Variants in IFT81 observed in about 807,000 individuals in gnomAD.
The protein encoded by IFT81 is intraflagellar transport 81.
Under a neutral mutation model 102.6 loss-of-function variants are expected in IFT81, and 72 were observed. The observed-to-expected ratio is 0.70, with a 90% confidence interval of 0.58 to 0.85. The LOEUF (loss-of-function observed/expected upper bound fraction) is 0.85. Among genes scored for constraint, IFT81 ranks in the 40% least tolerant of loss-of-function variants. The pLI is 0.00. For missense variants in IFT81, 723 were observed against 787.3 expected (o/e 0.92, Z 0.98); for synonymous variants, 237 against 242.7 (o/e 0.98, Z 0.22).
At chr12:110,207,509 AAC>A (rs1555270034) in intron 17 of IFT81, among the ~76,000 whole-genome samples, 8 of 151,688 alleles carry the variant, frequency 5.3e-5, no homozygotes, top group African/African-American at 1.7e-4. Context: ...CACACACAAA[AAC>A]AGTCTCTTCT....
chr12:110,130,843 A>G (rs995453377), intron 4 of IFT81, among the ~76,000 whole-genome samples: 2 of 152,078 alleles, frequency 1.3e-5, no homozygotes, highest in African/African-American at 4.8e-5. Context: ...TTTACAATAT[A>G]TAATGATTTA....
chr12:110,165,798 C>G (rs541368435), intron 11 of IFT81, among the ~76,000 whole-genome samples: 26 of 152,298 alleles, frequency 1.7e-4, no homozygotes, highest in African/African-American at 6.3e-4. Context: ...GCTTCTCTAT[C>G]TGTAAAATGG....
In IFT81 at chr12:110,205,471, T is replaced by G. The variant is rs1868492910; in HGVS notation, c.1673T>G (p.Leu558Arg). The G allele has an allele frequency of 6.2e-7, 1 of 1,603,208 alleles. No homozygotes were observed. The highest frequency in any genetic ancestry group is 1.3e-5 in the African/African-American group (1 of 74,240). Residue 558 changes from leucine (L) to arginine (R), a missense_variant, in exon 16 of 19, where the codon CTT becomes CGT. Leu to Arg is a moderately radical substitution (Grantham distance 102). Transcript: ENST00000242591. ...QEVRRLREEC[L>R]QEESRYHYTN... ...GTTAGAAGACTCCGTGAAGAATGTC[T>G]TCAAGAAGAAAGTAGATACCATTAT...
chr12:110,201,484 G>A (rs1201562434), intron 14 of IFT81, among the ~76,000 whole-genome samples: 7 of 151,484 alleles, frequency 4.6e-5, no homozygotes, highest in Admixed American at 3.9e-4. Context: ...CAGGCTGAGT[G>A]CAGTGGCACC....
chr12:110,179,405 G>T (rs1897186575), intron 11 of IFT81, among the ~76,000 whole-genome samples: 1 of 151,802 alleles, frequency 6.6e-6, no homozygotes, highest in Non-Finnish European at 1.5e-5. Context: ...AGTCTAAAAT[G>T]AATAGCTTTT....
intron 8 of IFT81, among the ~76,000 whole-genome samples, chr12:110,140,897 A>C (rs948657432): frequency 1.3e-5 from 2 of 150,204 alleles, no homozygotes; most frequent in Non-Finnish European, 3.0e-5. Flanking sequence ...CTAATTTTGT[A>C]TATTTTTTTA....
chr12:110,169,126 C>G (rs1896614554), intron 11 of IFT81: 1 of 148,728 alleles, frequency 6.7e-6, no homozygotes, highest in South Asian at 2.1e-4. Context: ...AATTTTGGTA[C>G]AGGCTAGGCA....
At chr12:110,188,337 A>T (rs924259227) in intron 12 of IFT81, among the ~76,000 whole-genome samples, 1 of 151,288 alleles carries the variant, frequency 6.6e-6, no homozygotes, top group Non-Finnish European at 1.5e-5. Context: ...GTCTCAAAAA[A>T]AAAAAATTAA....
chr12:110,181,978 T>C (rs1265807490), intron 12 of IFT81, among the ~76,000 whole-genome samples: 1 of 152,176 alleles, frequency 6.6e-6, no homozygotes. Context: ...CAAATTGCAC[T>C]GGAGTTGATT....
chr12:110,209,147 T>A, intron 17 of IFT81, 24 bp from the exon 18 acceptor site: 2 of 1,379,548 alleles, frequency 1.4e-6, no homozygotes, highest in Non-Finnish European at 2.0e-6. Flanking sequence ...AAATTGAAAG[T>A]AAATCATTAT....
At chr12:110,200,191 A>G (rs1033081860) in intron 14 of IFT81, among the ~76,000 whole-genome samples, 1 of 152,182 alleles carries the variant, frequency 6.6e-6, no homozygotes, top group African/African-American at 2.4e-5. Flanking sequence ...AATTATGAGG[A>G]TACGTTCTAA....
chr12:110,177,267 TTTTTGTTTTGTTTTG>T (rs371205633), intron 11 of IFT81, among the ~76,000 whole-genome samples: 35 of 151,996 alleles, frequency 2.3e-4, no homozygotes, highest in African/African-American at 6.5e-4. Flanking sequence ...AAAGTTTGTT[TTTTTGTTTTGTTTTG>T]TTTTGTTTTG....
chr12:110,154,275 C>T (rs949371158), intron 10 of IFT81, among the ~76,000 whole-genome samples: 8 of 150,548 alleles, frequency 5.3e-5, no homozygotes, highest in South Asian at 2.1e-4. Flanking sequence ...TGCAATGAGC[C>T]GAGATCACGC....
chr12:110,148,526 AGTGCAGTG>A, intron 10 of IFT81, among the ~76,000 whole-genome samples: 1 of 151,676 alleles, frequency 6.6e-6, no homozygotes, highest in South Asian at 2.1e-4. Context: ...CCCAGGCTAG[AGTGCAGTG>A]GTGCGATCTC....
At position 110,132,586 on chromosome 12, in the gene IFT81, G is replaced by A. The variant is rs1010979644; in HGVS notation, c.469G>A (p.Glu157Lys). The part of the protein sequence containing the change: ...LMEAFKTLHK[E>K]YEQLKISGFS... ...GGAAGCCTTTAAAACTTTGCATAAA[G>A]AATATGAGCAGCTCAAGATATCTGG... Residue 157 changes from glutamate (E) to lysine (K), a missense_variant, in exon 5 of 19, where the codon GAA (glutamate) becomes AAA (lysine). Coordinates refer to ENST00000242591, the MANE Select transcript of IFT81 (RefSeq NM_014055.4). 8 of 1,580,896 alleles carry A rather than the reference G, an allele frequency of 5.1e-6. No individual in the cohort carries two copies. The highest frequency in any genetic ancestry group is 1.4e-5 in the African/African-American group (1 of 73,802).
intron 9 of IFT81, among the ~76,000 whole-genome samples, chr12:110,144,007 C>CTTTTTTTT (rs536525073): frequency 1.6e-5 from 2 of 123,136 alleles, no homozygotes; most frequent in Admixed American, 8.9e-5. Flanking sequence ...CAGGTTATAC[C>CTTTTTTTT]TTTTTTTTTT....
Position 110,180,580 on chromosome 12 carries a change from G to T in IFT81, c.1338+9G>T, listed in dbSNP as rs1566149979. 1.9e-6 allele frequency: 3 copies of T among 1,587,360 alleles called. No individual in the cohort carries two copies. The highest frequency in any genetic ancestry group is 1.7e-6 in the Non-Finnish European group (2 of 1,161,460). ...ATATTCAACAACAACTGGTAATACAGTATTATCTTGGGCTACTATAAATAC... is the reference window on the plus strand; with the variant it reads ...ATATTCAACAACAACTGGTAATACATTATTATCTTGGGCTACTATAAATAC... On this transcript the variant is annotated intron_variant, in intron 12 of 18. Transcript: ENST00000242591.
At chr12:110,128,925 T>C (rs1309008852) in intron 3 of IFT81, 25 bp from the exon 4 acceptor site, 1 of 1,590,916 alleles carries the variant, frequency 6.3e-7, no homozygotes, top group Admixed American at 1.7e-5. Context: ...GCGTGTGTGT[T>C]TGTGTATGTG....
Position 110,127,479 on chromosome 12 carries a change from A to C in IFT81, c.99A>C (p.Gln33His), listed in dbSNP as rs1168134848. 1 of 1,610,182 alleles carries C rather than the reference A, an allele frequency of 6.2e-7. No individual in the cohort carries two copies. Among genetic ancestry groups the C allele is most frequent in the Admixed American group, 1.7e-5 (1 of 59,276 alleles). ...CGTTTGATTCCTTGGAGCCAATGCAACTATTACAAGTTCTCAGTGATGTTC... is the reference window on the plus strand; with the variant it reads ...CGTTTGATTCCTTGGAGCCAATGCACCTATTACAAGTTCTCAGTGATGTTC... ...LITFDSLEPM[Q>H]LLQVLSDVLA... The change falls in exon 2 of 19, where the codon CAA becomes CAC. Residue 33 changes from glutamine (Q) to histidine (H), a missense_variant. Gln to His is a conservative substitution (Grantham distance 24). Coordinates refer to ENST00000242591, the MANE Select transcript of IFT81 (RefSeq NM_014055.4).
Sources: gnomAD v4.1 joint callset for allele counts (sites outside exome capture counted in the v4.1 genomes callset) on GRCh38, gnomAD v4.1.1 for gene constraint, MANE v1.5 for transcripts, NCBI Gene and HGNC (gene_info 2026-07-23, HGNC 2026-07-21) for gene names.